Variants in FAM174B observed in about 807,000 individuals in gnomAD.
FAM174B encodes membrane protein FAM174B.
In FAM174B, 12 loss-of-function variants were observed where a neutral mutation model predicts 10.9. The observed-to-expected ratio is 1.10, with a 90% CI of 0.71 to 1.79. FAM174B has a LOEUF of 1.79. Among genes scored for constraint, FAM174B ranks in the 40% most tolerant of loss-of-function variants. The probability of loss-of-function intolerance (pLI) is 0.00; values close to 1 mark genes in which losing one functional copy is unlikely to be tolerated. For missense variants in FAM174B, 266 were observed against 233.3 expected (o/e 1.14, Z -0.91); for synonymous variants, 132 against 115.8 (o/e 1.14, Z -0.90).
intron 1 of FAM174B, among the ~76,000 whole-genome samples, chr15:92,644,483 C>T (rs1323193282): frequency 6.6e-6 from 1 of 152,142 alleles, no homozygotes; most frequent in East Asian, 1.9e-4. Context: ...AGCCAAGCTC[C>T]AACACCATCC....
At chr15:92,631,275 A>T (rs1362310758) in intron 1 of FAM174B, among the ~76,000 whole-genome samples, 1 of 10,826 alleles carries the variant, frequency 9.2e-5, no homozygotes, top group African/African-American at 3.9e-4. Flanking sequence ...ATATTATATT[A>T]TATATAATAT....
chr15:92,644,374 C>T (rs552082507), intron 1 of FAM174B, among the ~76,000 whole-genome samples: 1 of 152,298 alleles, frequency 6.6e-6, no homozygotes, highest in South Asian at 2.1e-4. Flanking sequence ...TGATAGAAAT[C>T]TCATCTTACT....
chr15:92,623,476 G>C (rs2050733039), intron 2 of FAM174B, among the ~76,000 whole-genome samples: 1 of 152,186 alleles, frequency 6.6e-6, no homozygotes, highest in African/African-American at 2.4e-5. Context: ...CACCGCCCAG[G>C]CTTATTCAGA....
At position 92,619,103 on chromosome 15, in the gene FAM174B, TTTACTA is replaced by T. The variant is rs1171718294; in HGVS notation, c.*347_*352del. On this transcript the variant is annotated 3_prime_UTR_variant, in exon 3 of 3. Transcript: ENST00000327355. ...TAGATTCTTGATCCTCCTGATCTCT[TTTACTA>T]TTGTCAACAATTGTCTTAAAAAAAC... The T allele has an allele frequency of 3.1e-6, 2 of 654,618 alleles. No individual in the cohort carries two copies. The highest frequency in any genetic ancestry group is 3.6e-5 in the African/African-American group (2 of 55,550). 40.6% of individuals were successfully genotyped at this position (654,618 alleles called of 1,614,324 possible).
intron 1 of FAM174B, among the ~76,000 whole-genome samples, chr15:92,641,201 A>C (rs561031644): frequency 2.6e-5 from 4 of 152,318 alleles, no homozygotes; most frequent in African/African-American, 9.6e-5. Context: ...ATTTAGCAAA[A>C]ATAGAAATGT....
chr15:92,621,341 G>GT (rs1282971347), intron 2 of FAM174B, among the ~76,000 whole-genome samples: 2 of 152,312 alleles, frequency 1.3e-5, no homozygotes, highest in African/African-American at 4.8e-5. Context: ...GCCAGGCACA[G>GT]TGGGTCGCGC....
At chr15:92,623,099 T>A (rs1053531650) in intron 2 of FAM174B, among the ~76,000 whole-genome samples, 2 of 150,984 alleles carry the variant, frequency 1.3e-5, no homozygotes, top group Non-Finnish European at 2.9e-5. Flanking sequence ...GAGGGTGCAA[T>A]GAGCCAAGAT....
intron 1 of FAM174B, among the ~76,000 whole-genome samples, chr15:92,647,239 G>A (rs2050934363): frequency 6.6e-6 from 1 of 152,024 alleles, no homozygotes; most frequent in African/African-American, 2.4e-5. Context: ...CACCCATCTG[G>A]TCCTGGAAGA....
intron 2 of FAM174B, among the ~76,000 whole-genome samples, chr15:92,627,740 G>A (rs924768689): frequency 2.0e-5 from 3 of 152,174 alleles, no homozygotes; most frequent in Non-Finnish European, 2.9e-5. Flanking sequence ...TGATCCACTC[G>A]AACCATTAAA....
At position 92,619,256 on chromosome 15, in the gene FAM174B, T is replaced by C. The variant is rs2050702179; in HGVS notation, c.*200A>G. On this transcript the variant is annotated 3_prime_UTR_variant, in exon 3 of 3. Coordinates refer to ENST00000327355, the MANE Select transcript of FAM174B (RefSeq NM_207446.3). ...CCAAAGGGTGGCAGAAGCAACTCCA[T>C]TGTGGTGACGTGGAAACGAGCTTGC... The C allele has an allele frequency of 4.2e-6, 3 of 717,162 alleles. No individual in the cohort carries two copies. Among genetic ancestry groups the C allele is most frequent in the Admixed American group, 4.0e-5 (2 of 50,030 alleles). The allele number at this position is 717,162 out of a possible 1,614,324, so 44.4% of individuals were successfully genotyped here.
intron 1 of FAM174B, among the ~76,000 whole-genome samples, chr15:92,638,100 C>T (rs983003023): frequency 6.6e-6 from 1 of 152,184 alleles, no homozygotes; most frequent in African/African-American, 2.4e-5. Context: ...CCATCTTCCA[C>T]AGCAGGAATC....
intron 1 of FAM174B, among the ~76,000 whole-genome samples, chr15:92,642,606 T>TTG (rs1174783904): frequency 6.6e-6 from 1 of 152,198 alleles, no homozygotes; most frequent in Non-Finnish European, 1.5e-5. Context: ...CCAATCCACT[T>TTG]TGCACTTCTC....
chr15:92,631,248 T>A (rs373708840), intron 1 of FAM174B, among the ~76,000 whole-genome samples: 159 of 3,064 alleles, frequency 0.052, 37 homozygotes, highest in East Asian at 0.12. Flanking sequence ...TATATTATAT[T>A]ATATATAATA....
At chr15:92,645,126 G>T (rs950149006) in intron 1 of FAM174B, among the ~76,000 whole-genome samples, 1 of 152,200 alleles carries the variant, frequency 6.6e-6, no homozygotes, top group Non-Finnish European at 1.5e-5. Context: ...AAAATCATGA[G>T]CCCAGAGAGA....
chr15:92,618,838 TTTA>T lies in FAM174B; in HGVS notation c.*615_*617del. 5 of 133,366 alleles carry T rather than the reference TTTA, an allele frequency of 3.7e-5. No individual in the cohort carries two copies. The highest frequency in any genetic ancestry group is 7.7e-5 in the Admixed American group (1 of 12,936). 8.3% of individuals were successfully genotyped at this position (133,366 alleles called of 1,614,324 possible). On this transcript the variant is annotated 3_prime_UTR_variant, in exon 3 of 3. Coordinates refer to ENST00000327355, the MANE Select transcript of FAM174B (RefSeq NM_207446.3). ...TGATTTCTGCTGAACCTTTTTTTTTTTTAAAAAAAAAAAAAAAGGAAGAAAGAA... is the reference window on the plus strand; with the variant it reads ...TGATTTCTGCTGAACCTTTTTTTTTTAAAAAAAAAAAAAAGGAAGAAAGAA...
At chr15:92,632,813 G>A (rs952478463) in intron 1 of FAM174B, among the ~76,000 whole-genome samples, 2 of 152,058 alleles carry the variant, frequency 1.3e-5, no homozygotes, top group African/African-American at 4.8e-5. Context: ...GTGGGACACC[G>A]TGCCAGACCT....
At chr15:92,636,863 C>A (rs1048093597) in intron 1 of FAM174B, among the ~76,000 whole-genome samples, 2 of 152,250 alleles carry the variant, frequency 1.3e-5, no homozygotes, top group South Asian at 2.1e-4. Context: ...CGCCAAAAAA[C>A]TCTTTGCCCT....
intron 2 of FAM174B, among the ~76,000 whole-genome samples, chr15:92,626,193 G>A (rs2050751720): frequency 7.4e-6 from 1 of 135,634 alleles, no homozygotes. Flanking sequence ...CTGCCTCCTG[G>A]GTTCGCGCCA....
intron 1 of FAM174B, among the ~76,000 whole-genome samples, chr15:92,635,338 C>A (rs1431263097): frequency 6.6e-6 from 1 of 152,154 alleles, no homozygotes; most frequent in Non-Finnish European, 1.5e-5. Flanking sequence ...AAACACAACT[C>A]TCTTTACAAA....
Sources: allele counts gnomAD v4.1 joint callset (sites outside exome capture counted in the v4.1 genomes callset), GRCh38; gene constraint gnomAD v4.1.1; transcripts MANE v1.5; gene names NCBI Gene and HGNC (gene_info 2026-07-23, HGNC 2026-07-21).